Variants in CWH43 observed in about 807,000 individuals in gnomAD.
The protein encoded by CWH43 is PGAP2-interacting protein.
In CWH43, 91 loss-of-function variants were observed where a neutral mutation model predicts 85.7. The ratio of observed to expected loss-of-function variants is 1.06; its 90% CI spans 0.90 to 1.26. The LOEUF (loss-of-function observed/expected upper bound fraction) is 1.26. CWH43 is among the 50% of genes most tolerant of loss of function. The probability of loss-of-function intolerance (pLI) is 0.00; values close to 1 mark genes in which losing one functional copy is unlikely to be tolerated. For missense variants in CWH43, 869 were observed against 839.2 expected (o/e 1.04, Z -0.44); for synonymous variants, 323 against 293.6 (o/e 1.10, Z -1.02).
chr4:49,044,668 G>C, intron 13 of CWH43, 118 bp from the exon 14 acceptor site: 1 of 723,276 alleles, frequency 1.4e-6, no homozygotes, highest in East Asian at 2.7e-5. Flanking sequence ...TAGGAGCCAG[G>C]AAGAGAAAAC....
chr4:49,055,030 CT>C (rs1292796573), intron 15 of CWH43, among the ~76,000 whole-genome samples: 1 of 152,016 alleles, frequency 6.6e-6, no homozygotes, highest in Non-Finnish European at 1.5e-5. Flanking sequence ...CTAGCTAGGA[CT>C]TTCAGTACTG....
intron 8 of CWH43, among the ~76,000 whole-genome samples, chr4:49,015,336 T>G (rs1783512827): frequency 1.3e-5 from 2 of 152,112 alleles, no homozygotes; most frequent in African/African-American, 4.8e-5. Flanking sequence ...ATATCTATTC[T>G]TTTAGTAGTT....
intron 15 of CWH43, among the ~76,000 whole-genome samples, chr4:49,057,711 T>C (rs773785240): frequency 3.9e-5 from 6 of 152,210 alleles, no homozygotes; most frequent in Non-Finnish European, 7.3e-5. Context: ...GGAAGTGGGT[T>C]ATTGGAGTCC....
At chr4:49,060,482 G>A (rs1785118162) in intron 15 of CWH43, among the ~76,000 whole-genome samples, 1 of 152,052 alleles carries the variant, frequency 6.6e-6, no homozygotes, top group Admixed American at 6.6e-5. Flanking sequence ...TTGGTCTGTG[G>A]GTGCCAGCCT....
chr4:49,061,358 T>A (rs1214933428), intron 15 of CWH43, among the ~76,000 whole-genome samples: 1 of 152,244 alleles, frequency 6.6e-6, no homozygotes. Flanking sequence ...TAGTGTCTTT[T>A]GTATTCTATC....
chr4:49,004,862 A>C (rs917718574), intron 7 of CWH43, among the ~76,000 whole-genome samples: 1 of 152,198 alleles, frequency 6.6e-6, no homozygotes, highest in Non-Finnish European at 1.5e-5. Flanking sequence ...AAATTGATTC[A>C]CATACCAAAA....
At chr4:49,024,137 T>C (rs1187269752) in intron 9 of CWH43, among the ~76,000 whole-genome samples, 1 of 152,198 alleles carries the variant, frequency 6.6e-6, no homozygotes, top group Non-Finnish European at 1.5e-5. Flanking sequence ...TTTTAAAGTT[T>C]GTTTTGTCTG....
intron 13 of CWH43, among the ~76,000 whole-genome samples, chr4:49,043,930 T>A (rs1360407038): frequency 1.3e-5 from 2 of 152,030 alleles, no homozygotes; most frequent in African/African-American, 4.8e-5. Context: ...TAGACATCCA[T>A]GTGTCTACCA....
At chr4:49,043,481 A>G (rs886645968) in intron 13 of CWH43, among the ~76,000 whole-genome samples, 4 of 152,210 alleles carry the variant, frequency 2.6e-5, no homozygotes, top group Non-Finnish European at 5.9e-5. Flanking sequence ...CTTGGTTTCC[A>G]CTGTCGTGAT....
chr4:49,036,850 G>A (rs779207196), intron 12 of CWH43, among the ~76,000 whole-genome samples: 5 of 152,080 alleles, frequency 3.3e-5, no homozygotes, highest in Admixed American at 6.6e-5. Context: ...TCTCTTCTGC[G>A]GCTCCAGCTC....
intron 4 of CWH43, among the ~76,000 whole-genome samples, chr4:48,993,842 C>T (rs1031583480): frequency 6.6e-6 from 1 of 152,118 alleles, no homozygotes; most frequent in African/African-American, 2.4e-5. Context: ...GCAACCCCTG[C>T]CTCCCAGGTT....
intron 12 of CWH43, among the ~76,000 whole-genome samples, chr4:49,034,989 A>G (rs2109812387): frequency 6.6e-6 from 1 of 152,326 alleles, no homozygotes; most frequent in East Asian, 1.9e-4. Flanking sequence ...ACATGTCCCA[A>G]GCACACAGCT....
intron 5 of CWH43, among the ~76,000 whole-genome samples, chr4:48,996,633 A>C (rs927870482): frequency 1.3e-5 from 2 of 152,204 alleles, no homozygotes; most frequent in African/African-American, 4.8e-5. Context: ...TACCTGTGAA[A>C]ACAAGCATAA....
At chr4:49,014,103 T>A (rs566806640) in intron 8 of CWH43, among the ~76,000 whole-genome samples, 363 of 152,280 alleles carry the variant, frequency 2.4e-3, no homozygotes, top group Non-Finnish European at 2.8e-3. Context: ...CCAAAAGAAA[T>A]ATCACAAAAC....
At chr4:49,041,558 T>C (rs1357996491) in intron 13 of CWH43, among the ~76,000 whole-genome samples, 2 of 152,228 alleles carry the variant, frequency 1.3e-5, no homozygotes, top group Non-Finnish European at 2.9e-5. Flanking sequence ...CTATTATTGG[T>C]GTATAAGAAT....
intron 14 of CWH43, among the ~76,000 whole-genome samples, chr4:49,047,361 C>G (rs1404899654): frequency 6.6e-6 from 1 of 152,142 alleles, no homozygotes; most frequent in Non-Finnish European, 1.5e-5. Context: ...GATCTCTATG[C>G]TGGTGGAGGG....
intron 15 of CWH43, among the ~76,000 whole-genome samples, chr4:49,057,604 A>T (rs1785008384): frequency 6.6e-6 from 1 of 152,120 alleles, no homozygotes; most frequent in South Asian, 2.1e-4. Flanking sequence ...TGTTGGGTGA[A>T]ATGCTCTCTA....
chr4:49,027,841 C>T (rs983061087), intron 9 of CWH43, among the ~76,000 whole-genome samples: 1 of 152,052 alleles, frequency 6.6e-6, no homozygotes, highest in Non-Finnish European at 1.5e-5. Context: ...TCCCCACTAC[C>T]CTAGTAGGTA....
chr4:48,994,802 C>A lies in CWH43; in HGVS notation c.695C>A (p.Pro232Gln), dbSNP rs1245526570. ...GTGAGTGGGCATCCACATCCAGGGC[C>A]AGATCCTAACCCATTTGGGTGAGTT... ...WAVSGHPHPG[P>Q]DPNPFGGAVL... Residue 232 changes from proline (P) to glutamine (Q), a missense_variant, in exon 5 of 16, where the codon CCA becomes CAA. Physicochemically the swap from Pro to Gln is moderately conservative, Grantham distance 76 (BLOSUM62 -1). Around this residue, in one of 3 missense-constraint regions of CWH43, gnomAD observed 152 missense variants for 203.6 expected, o/e 0.75. Transcript: ENST00000226432. 1 of 1,613,800 alleles carries A rather than the reference C, an allele frequency of 6.2e-7. No individual in the cohort carries two copies. The highest frequency in any genetic ancestry group is 1.3e-5 in the African/African-American group (1 of 74,916).
Sources: gnomAD v4.1 joint callset for allele counts (sites outside exome capture counted in the v4.1 genomes callset) on GRCh38, gnomAD v4.1.1 for gene constraint, gnomAD v4.1.1 regional missense constraint, MANE v1.5 for transcripts, NCBI Gene and HGNC (gene_info 2026-07-23, HGNC 2026-07-21) for gene names.